The following RYR2 variants were observed in gnomAD, a reference collection of about 807,000 sequenced individuals.
The protein encoded by RYR2 is ryanodine receptor 2.
In RYR2, 227 loss-of-function variants were observed where a neutral mutation model predicts 601.1. The observed-to-expected ratio is 0.38, with a 90% CI of 0.34 to 0.42. The LOEUF is 0.42. RYR2 is among the 10% of genes least tolerant of loss of function. RYR2 has a pLI of 1.00. For synonymous variants in RYR2, 2,223 were observed against 2,175.1 expected, an observed-to-expected ratio of 1.02 and a Z score of -0.61; for missense variants, 4,646 against 6,156.5, an observed-to-expected ratio of 0.75 and a Z score of 8.21.
rs141656042 is a variant in RYR2 at position 237,284,683 on chromosome 1, T to TCACACACACACACACAC, written c.168+14067_168+14068insCACACACACACACACAC. Among the ~76,000 whole-genome samples the TCACACACACACACACAC allele has an allele frequency of 4.9e-3, 699 of 143,598 alleles. 9 individuals are homozygous for TCACACACACACACACAC. The highest frequency in any genetic ancestry group is 0.017 in the African/African-American group (648 of 38,414). The allele number at this position is 143,598 out of a possible 152,430, so 94.2% of individuals were successfully genotyped here. ...ATTCCACCATATATATATATATATG[T>TCACACACACACACACAC]ACACACACACACACCCATAAACACC... On this transcript the variant is annotated intron_variant, in intron 2 of 104. Coordinates refer to ENST00000366574, the MANE Select transcript of RYR2 (RefSeq NM_001035.3).
At chr1:237,644,355 C>T (rs913670813) in intron 48 of RYR2, among the ~76,000 whole-genome samples, 1 of 152,090 alleles carries the variant, frequency 6.6e-6, no homozygotes, top group African/African-American at 2.4e-5. Flanking sequence ...GCCTCAGCCT[C>T]CCAAGTAGCA....
intron 1 of RYR2, among the ~76,000 whole-genome samples, chr1:237,212,832 T>C (rs1049221759): frequency 1.3e-5 from 2 of 152,126 alleles, no homozygotes; most frequent in African/African-American, 2.4e-5. Context: ...TGGAGTGCAG[T>C]AGCGTGATCT....
chr1:237,635,021 G>T, intron 44 of RYR2, 29 bp downstream of exon 44: 2 of 1,412,346 alleles, frequency 1.4e-6, no homozygotes, highest in Admixed American at 2.4e-5. Context: ...CTGTGTGTTT[G>T]TCTGAATTAT....
At chr1:237,442,191 C>G (rs12087410) in intron 13 of RYR2, among the ~76,000 whole-genome samples, 19,027 of 152,128 alleles carry the variant, frequency 0.13, 1,563 homozygotes, top group African/African-American at 0.23. Context: ...AAGGTGAACA[C>G]CTAATGTTGT....
In RYR2 at chr1:237,219,862, T is replaced by G. The variant is rs59465945; in HGVS notation, c.49-50635T>G. On this transcript the variant is annotated intron_variant, in intron 1 of 104. Coordinates refer to ENST00000366574, the MANE Select transcript of RYR2 (RefSeq NM_001035.3). ...GGCTTAGTTACTTAAAGCTGTGCAA[T>G]TTAAAGCAGTTTTGGAATCTCCCCT... 0.011 allele frequency among the ~76,000 whole-genome samples: 1,687 copies of G among 152,322 alleles called. 94 individuals carry two copies. In the East Asian group the frequency reaches 0.16, roughly 15 times the overall value.
chr1:237,596,004 C>A (rs1675856934), intron 34 of RYR2, among the ~76,000 whole-genome samples: 1 of 152,112 alleles, frequency 6.6e-6, no homozygotes, highest in South Asian at 2.1e-4. Context: ...GAACCAAAAC[C>A]AGTGTATCCT....
rs770251723 is a variant in RYR2 at position 237,369,518 on chromosome 1, TC to T, written c.310-15del. 25 of 1,554,044 alleles carry T rather than the reference TC, an allele frequency of 1.6e-5. No homozygotes were observed. The South Asian group carries it at 3.0e-4, about 18-fold the overall frequency. ...GTTTTTCTCTCTTGTTCTCCTTTTTTCTCTTCTCTCTAAAGACTGCTCAAGG... is the reference window on the plus strand; with the variant it reads ...GTTTTTCTCTCTTGTTCTCCTTTTTTTCTTCTCTCTAAAGACTGCTCAAGG... On this transcript the variant is annotated splice_polypyrimidine_tract_variant and intron_variant, in intron 5 of 104. Transcript: ENST00000366574.
At chr1:237,426,751 T>G (rs138383443) in intron 12 of RYR2, among the ~76,000 whole-genome samples, 39 of 152,116 alleles carry the variant, frequency 2.6e-4, no homozygotes, top group African/African-American at 8.7e-4. Context: ...TTTGCCAAAT[T>G]TGAGTATTTT....
intron 24 of RYR2, among the ~76,000 whole-genome samples, chr1:237,518,050 C>T (rs1287658938): frequency 6.6e-6 from 1 of 152,108 alleles, no homozygotes; most frequent in African/African-American, 2.4e-5. Flanking sequence ...TTCCCTTCAC[C>T]CATGGCTTTC....
At chr1:237,309,849 C>T (rs1352397910) in intron 2 of RYR2, among the ~76,000 whole-genome samples, 1 of 152,190 alleles carries the variant, frequency 6.6e-6, no homozygotes, top group Non-Finnish European at 1.5e-5. Context: ...CCTGGTGCAC[C>T]CTCTGCAGCT....
intron 1 of RYR2, among the ~76,000 whole-genome samples, chr1:237,055,512 G>C (rs1661883210): frequency 6.6e-6 from 1 of 152,106 alleles, no homozygotes; most frequent in Admixed American, 6.5e-5. Context: ...GGAATAGAAA[G>C]GAGCGGGAGC....
At chr1:237,357,273 G>A (rs1269647750) in intron 4 of RYR2, among the ~76,000 whole-genome samples, 2 of 152,030 alleles carry the variant, frequency 1.3e-5, no homozygotes, top group Non-Finnish European at 2.9e-5. Flanking sequence ...GCTGATCCAA[G>A]ATTCACATTT....
intron 94 of RYR2, among the ~76,000 whole-genome samples, chr1:237,793,128 T>A (rs559281532): frequency 1.1e-4 from 16 of 152,342 alleles, no homozygotes; most frequent in Admixed American, 1.0e-3. Flanking sequence ...GTCCTCTGCC[T>A]CTGGTTATAA....
intron 41 of RYR2, among the ~76,000 whole-genome samples, chr1:237,631,166 G>T (rs1680205932): frequency 6.6e-6 from 1 of 152,136 alleles, no homozygotes; most frequent in African/African-American, 2.4e-5. Flanking sequence ...TGTGTCCAAA[G>T]TATATTTCAT....
chr1:237,373,619 G>T (rs780151518), intron 6 of RYR2, among the ~76,000 whole-genome samples: 3 of 152,152 alleles, frequency 2.0e-5, no homozygotes, highest in African/African-American at 7.2e-5. Flanking sequence ...ACACTTTGTG[G>T]CATGGGGGTT....
intron 1 of RYR2, among the ~76,000 whole-genome samples, chr1:237,095,598 C>G (rs981375875): frequency 6.6e-6 from 1 of 152,186 alleles, no homozygotes; most frequent in Non-Finnish European, 1.5e-5. Context: ...ATCCCCCTAG[C>G]CTGGTGACTG....
intron 1 of RYR2, among the ~76,000 whole-genome samples, chr1:237,209,007 A>T (rs1682233237): frequency 7.5e-6 from 1 of 132,598 alleles, no homozygotes; most frequent in Non-Finnish European, 1.6e-5. Flanking sequence ...TTGAACTATG[A>T]TTCAGCCATG....
chr1:237,309,759 C>T (rs998522253), intron 2 of RYR2, among the ~76,000 whole-genome samples: 4 of 152,170 alleles, frequency 2.6e-5, no homozygotes, highest in East Asian at 1.9e-4. Flanking sequence ...CTGCAGGTCC[C>T]GTGCCCTGCC....
chr1:237,773,432 C>T, intron 86 of RYR2, 88 bp from the exon 87 acceptor site: 1 of 834,002 alleles, frequency 1.2e-6, no homozygotes, highest in East Asian at 2.5e-5. Context: ...ATTTAAAATA[C>T]TTCTCAGGCA....
Sources: gnomAD v4.1 joint callset for allele counts (sites outside exome capture counted in the v4.1 genomes callset) on GRCh38, gnomAD v4.1.1 for gene constraint, MANE v1.5 for transcripts, NCBI Gene and HGNC (gene_info 2026-07-23, HGNC 2026-07-21) for gene names.